The following PTPN4 variants were observed in gnomAD, a reference collection of about 807,000 sequenced individuals.
PTPN4 encodes the protein tyrosine-protein phosphatase non-receptor type 4.
Under a neutral mutation model 135.5 loss-of-function variants are expected in PTPN4, and 49 were observed. The ratio of observed to expected loss-of-function variants is 0.36; its 90% CI spans 0.29 to 0.46. PTPN4 has a LOEUF of 0.46. PTPN4 is among the 20% of genes least tolerant of loss of function. The probability of loss-of-function intolerance (pLI) is 1.00; values close to 1 mark genes in which losing one functional copy is unlikely to be tolerated. For missense variants in PTPN4, 860 were observed against 1,101.0 expected, an observed-to-expected ratio of 0.78 and a Z score of 3.10; for synonymous variants, 333 against 369.9, an observed-to-expected ratio of 0.90 and a Z score of 1.14.
chr2:119,933,749 TATAC>T (rs1269266278), intron 14 of PTPN4, among the ~76,000 whole-genome samples: 2 of 152,136 alleles, frequency 1.3e-5, no homozygotes, highest in Admixed American at 6.6e-5. Flanking sequence ...CAGAACAGTT[TATAC>T]ATAAACAGTT....
intron 26 of PTPN4, among the ~76,000 whole-genome samples, chr2:119,970,727 G>C (rs546163579): frequency 1.3e-5 from 2 of 152,156 alleles, no homozygotes; most frequent in East Asian, 3.9e-4. Context: ...CATTTATTTG[G>C]TTTGTATCCA....
At chr2:119,808,895 G>A (rs539422650) in intron 1 of PTPN4, among the ~76,000 whole-genome samples, 1 of 152,236 alleles carries the variant, frequency 6.6e-6, no homozygotes, top group Non-Finnish European at 1.5e-5. Context: ...TCACTGATTT[G>A]AAATACTATT....
At chr2:119,872,479 CATAA>C (rs1311367524) in intron 3 of PTPN4, among the ~76,000 whole-genome samples, 1 of 152,136 alleles carries the variant, frequency 6.6e-6, no homozygotes, top group Non-Finnish European at 1.5e-5. Context: ...CTATCTTGGG[CATAA>C]ATACTTTCTC....
chr2:119,784,221 C>G (rs1490533664), intron 1 of PTPN4, among the ~76,000 whole-genome samples: 1 of 151,278 alleles, frequency 6.6e-6, no homozygotes, highest in African/African-American at 2.4e-5. Flanking sequence ...AAGTCTCAAG[C>G]TTCTTCCCCC....
chr2:119,906,998 T>A (rs1487791644), intron 10 of PTPN4, among the ~76,000 whole-genome samples: 1 of 152,182 alleles, frequency 6.6e-6, no homozygotes, highest in Non-Finnish European at 1.5e-5. Flanking sequence ...AAACATCTGT[T>A]ACGTTTCTGT....
Position 119,877,491 on chromosome 2 carries a change from G to C in PTPN4, c.317G>C (p.Arg106Thr). 6.2e-7 allele frequency: 1 copy of C among 1,610,388 alleles called. No individual in the cohort carries two copies. The highest frequency in any genetic ancestry group is 2.2e-5 in the East Asian group (1 of 44,726). Residue 106 changes from arginine to threonine, a missense_variant, in exon 5 of 27, where the codon AGA (arginine) becomes ACA (threonine). Around this residue, in one of 2 missense-constraint regions of PTPN4, gnomAD observed 684 missense variants for 807.0 expected, o/e 0.85. Transcript: ENST00000263708. The part of the protein sequence containing the change: ...KRGSPYSLNF[R>T]VKFFVSDPNK... ...GGATCTCCTTACAGTTTGAACTTTA[G>C]AGTCAAATTTTTTGTAAGTGACCCC... is the stretch of plus-strand genomic sequence containing the variant.
At chr2:119,925,336 G>A (rs1214457682) in intron 12 of PTPN4, among the ~76,000 whole-genome samples, 1 of 152,126 alleles carries the variant, frequency 6.6e-6, no homozygotes, top group East Asian at 1.9e-4. Context: ...AAAACATAGG[G>A]CACAGGACAG....
At chr2:119,852,663 G>A (rs1479368761) in intron 2 of PTPN4, among the ~76,000 whole-genome samples, 1 of 151,650 alleles carries the variant, frequency 6.6e-6, no homozygotes, top group African/African-American at 2.4e-5. Flanking sequence ...GCTCTTTCCT[G>A]TATTCCCTAA....
chr2:119,891,181 A>C (rs1678234676), intron 9 of PTPN4, among the ~76,000 whole-genome samples: 1 of 151,688 alleles, frequency 6.6e-6, no homozygotes, highest in African/African-American at 2.4e-5. Flanking sequence ...TCTTTTCTTT[A>C]TTTTTGTTTG....
chr2:119,963,565 T>C (rs1474503209), intron 24 of PTPN4, among the ~76,000 whole-genome samples: 1 of 152,038 alleles, frequency 6.6e-6, no homozygotes, highest in African/African-American at 2.4e-5. Flanking sequence ...CCCAAGAGCA[T>C]GATTAAAGGA....
intron 26 of PTPN4, among the ~76,000 whole-genome samples, chr2:119,974,815 T>C (rs1679589925): frequency 6.6e-6 from 1 of 152,222 alleles, no homozygotes; most frequent in South Asian, 2.1e-4. Flanking sequence ...ACCAGTAAAA[T>C]ACATTTATCA....
chr2:119,802,494 T>G (rs181106000), intron 1 of PTPN4, among the ~76,000 whole-genome samples: 1 of 152,354 alleles, frequency 6.6e-6, no homozygotes, highest in Admixed American at 6.5e-5. Flanking sequence ...TCCCTTAGTC[T>G]GTTAATAAGG....
chr2:119,761,450 A>C (rs1690498840), intron 1 of PTPN4, among the ~76,000 whole-genome samples: 1 of 152,234 alleles, frequency 6.6e-6, no homozygotes, highest in African/African-American at 2.4e-5. Flanking sequence ...TATCATCTAA[A>C]TCTTGAATTT....
At chr2:119,937,503 G>T (rs1678999902) in intron 15 of PTPN4, among the ~76,000 whole-genome samples, 1 of 152,130 alleles carries the variant, frequency 6.6e-6, no homozygotes, top group African/African-American at 2.4e-5. Flanking sequence ...GAATTGGATG[G>T]TTAAATTTAT....
intron 9 of PTPN4, among the ~76,000 whole-genome samples, chr2:119,898,544 G>A (rs1254768740): frequency 6.6e-6 from 1 of 152,108 alleles, no homozygotes; most frequent in Non-Finnish European, 1.5e-5. Context: ...CAATGCCTAC[G>A]AGGTACTTTT....
intron 1 of PTPN4, among the ~76,000 whole-genome samples, chr2:119,763,905 C>G (rs187395266): frequency 6.6e-6 from 1 of 152,176 alleles, no homozygotes; most frequent in Non-Finnish European, 1.5e-5. Context: ...ATTTAATCTT[C>G]CACTGGTTTA....
chr2:119,870,749 T>G (rs948200224), intron 3 of PTPN4, among the ~76,000 whole-genome samples: 8 of 152,180 alleles, frequency 5.3e-5, no homozygotes, highest in Admixed American at 5.2e-4. Context: ...AGAAAATATG[T>G]ATTTAGATTC....
chr2:119,948,005 T>C (rs950078024), intron 18 of PTPN4, among the ~76,000 whole-genome samples: 1 of 152,030 alleles, frequency 6.6e-6, no homozygotes, highest in Non-Finnish European at 1.5e-5. Context: ...ATTTCCTTAT[T>C]TGAAAAAAGT....
chr2:119,971,446 C>T (rs1679533993), intron 26 of PTPN4, among the ~76,000 whole-genome samples: 1 of 152,178 alleles, frequency 6.6e-6, no homozygotes, highest in Admixed American at 6.5e-5. Flanking sequence ...AGCATCTTTA[C>T]ATGTGATAAT....
Sources: gnomAD v4.1 joint callset for allele counts (sites outside exome capture counted in the v4.1 genomes callset) on GRCh38, gnomAD v4.1.1 for gene constraint, gnomAD v4.1.1 regional missense constraint, MANE v1.5 for transcripts, NCBI Gene and HGNC (gene_info 2026-07-23, HGNC 2026-07-21) for gene names.